Variants in GNAL observed in about 807,000 individuals in gnomAD.
The protein encoded by GNAL is G protein subunit alpha L, also known as guanine nucleotide-binding protein G(olf) subunit alpha.
Under a neutral mutation model 55.1 loss-of-function variants are expected in GNAL, and 18 were observed. That is an observed-to-expected ratio of 0.33 (90% CI 0.23 to 0.48). The LOEUF (loss-of-function observed/expected upper bound fraction) is 0.48, where lower values mean the gene tolerates loss of function less well. GNAL is among the 20% of genes least tolerant of loss of function. The pLI is 0.99. For missense variants in GNAL, 412 were observed against 614.1 expected, an observed-to-expected ratio of 0.67 and a Z score of 3.48; for synonymous variants, 253 against 237.0, an observed-to-expected ratio of 1.07 and a Z score of -0.62.
chr18:11,791,899 C>CACAGGTGTCTCCCCTGGT lies in GNAL; in HGVS notation c.625-33006_625-32989dup, dbSNP rs566032794. Among the ~76,000 whole-genome samples the CACAGGTGTCTCCCCTGGT allele has an allele frequency of 4.4e-3, 671 of 152,298 alleles. 5 individuals are homozygous for CACAGGTGTCTCCCCTGGT. Among genetic ancestry groups the CACAGGTGTCTCCCCTGGT allele is most frequent in the African/African-American group, 0.015 (625 of 41,556 alleles). ...GTGCAGCACTGTCAGCCTCACCTCT[C>CACAGGTGTCTCCCCTGGT]ACAGGTGTCTCCCCTGGTACAGGTG... On this transcript the variant is annotated intron_variant, in intron 4 of 11. Transcript: ENST00000334049.
chr18:11,719,024 A>C (rs963206611), intron 1 of GNAL, among the ~76,000 whole-genome samples: 2 of 152,180 alleles, frequency 1.3e-5, no homozygotes, highest in African/African-American at 4.8e-5. Context: ...TTTGCTGATG[A>C]ATTGGATGTA....
intron 3 of GNAL, 38 bp downstream of exon 3, chr18:11,753,720 C>T: frequency 6.8e-7 from 1 of 1,469,170 alleles, no homozygotes; most frequent in South Asian, 1.1e-5. Flanking sequence ...CTAGAAAGGT[C>T]AAGTGCTCTT....
chr18:11,689,594 C>T lies in GNAL; in HGVS notation c.31C>T (p.Leu11Phe). ...TCTGTGCTACAGTCTGCGGCCGCTGCTTTTCGGGGGCCCAGGGGACGACCC... is the reference window on the plus strand; with the variant it reads ...TCTGTGCTACAGTCTGCGGCCGCTGTTTTTCGGGGGCCCAGGGGACGACCC... The part of the protein sequence containing the change: MGLCYSLRPL[L>F]FGGPGDDPCA... Residue 11 changes from leucine to phenylalanine, a missense_variant, in exon 1 of 12, where the codon CTT (leucine) becomes TTT (phenylalanine). Around this residue, in one of 5 missense-constraint regions of GNAL, gnomAD observed 228 missense variants for 194.8 expected, o/e 1.17. Coordinates refer to ENST00000334049, the MANE Select transcript of GNAL (RefSeq NM_182978.4). 2 of 1,334,882 alleles carry T rather than the reference C, an allele frequency of 1.5e-6. No homozygotes were observed. The highest frequency in any genetic ancestry group is 1.9e-6 in the Non-Finnish European group (2 of 1,052,850). The allele number at this position is 1,334,882 out of a possible 1,614,324, so 82.7% of individuals were successfully genotyped here.
intron 4 of GNAL, among the ~76,000 whole-genome samples, chr18:11,788,914 A>AT (rs1555650656): frequency 4.5e-3 from 251 of 56,268 alleles, no homozygotes; most frequent in South Asian, 8.6e-3. Flanking sequence ...AAAAAAAAAA[A>AT]ATATATATAT....
intron 1 of GNAL, among the ~76,000 whole-genome samples, chr18:11,719,796 G>A (rs1296450925): frequency 1.3e-5 from 2 of 152,198 alleles, no homozygotes; most frequent in East Asian, 1.9e-4. Context: ...GCAGAGCTGC[G>A]CTCACACCAT....
intron 5 of GNAL, chr18:11,857,401 C>G (rs1037557759): frequency 1.3e-6 from 1 of 753,748 alleles, no homozygotes; most frequent in Non-Finnish European, 1.6e-6. Context: ...CCAAAAACTA[C>G]AGGGAGTTTT....
At chr18:11,738,701 G>A (rs1361025348) in intron 1 of GNAL, among the ~76,000 whole-genome samples, 2 of 152,046 alleles carry the variant, frequency 1.3e-5, no homozygotes, top group African/African-American at 2.4e-5. Flanking sequence ...CGCCTGCCTC[G>A]GCCTCCCAGA....
At chr18:11,787,505 G>A (rs778337312) in intron 4 of GNAL, among the ~76,000 whole-genome samples, 6 of 152,186 alleles carry the variant, frequency 3.9e-5, no homozygotes, top group Non-Finnish European at 8.8e-5. Context: ...CATTTCAAGT[G>A]TTGTTTGGCA....
At chr18:11,791,025 G>A (rs952302003) in intron 4 of GNAL, among the ~76,000 whole-genome samples, 1 of 152,072 alleles carries the variant, frequency 6.6e-6, no homozygotes, top group African/African-American at 2.4e-5. Context: ...TACTATTTAG[G>A]ATTTACAGAG....
intron 1 of GNAL, among the ~76,000 whole-genome samples, chr18:11,697,794 G>A (rs1301846049): frequency 6.6e-6 from 1 of 152,182 alleles, no homozygotes. Context: ...GCAGTTGGAG[G>A]GAGAAGAGAA....
chr18:11,788,921 A>ATATATG (rs2034148791), intron 4 of GNAL, among the ~76,000 whole-genome samples: 1 of 126,806 alleles, frequency 7.9e-6, no homozygotes, highest in African/African-American at 3.0e-5. Context: ...AAAAATATAT[A>ATATATG]TATATATATA....
intron 1 of GNAL, among the ~76,000 whole-genome samples, chr18:11,715,612 C>T (rs1053811212): frequency 6.6e-6 from 1 of 152,070 alleles, no homozygotes; most frequent in African/African-American, 2.4e-5. Flanking sequence ...CCAGGTCATT[C>T]TCTGGAGAAG....
intron 4 of GNAL, among the ~76,000 whole-genome samples, chr18:11,797,549 G>A (rs1415372909): frequency 1.3e-5 from 2 of 152,110 alleles, no homozygotes; most frequent in African/African-American, 4.8e-5. Context: ...TTCAAGACAA[G>A]CCTGGGCAAC....
Position 11,883,359 on chromosome 18 carries a change from T to TA in GNAL, c.*2225dup, listed in dbSNP as rs1567912482. ...CTGCACCCCCAGCAAGAAAGGGAAG[T>TA]ATGCTGTTGTATGCATCATTACTCA... On this transcript the variant is annotated 3_prime_UTR_variant, in exon 12 of 12. Coordinates refer to ENST00000334049, the MANE Select transcript of GNAL (RefSeq NM_182978.4). 1 of 153,198 alleles carries TA rather than the reference T, an allele frequency of 6.5e-6. No individual in the cohort carries two copies. Among genetic ancestry groups the TA allele is most frequent in the African/African-American group, 2.4e-5 (1 of 41,446 alleles). 9.5% of individuals were successfully genotyped at this position (153,198 alleles called of 1,614,324 possible).
rs1449016314 is a variant in GNAL at position 11,884,607 on chromosome 18, G to A, written c.*3472G>A. The A allele has an allele frequency of 1.9e-6, 3 of 1,613,744 alleles. No homozygotes were observed. The highest frequency in any genetic ancestry group is 1.7e-4 in the Middle Eastern group (1 of 6,050). On this transcript the variant is annotated 3_prime_UTR_variant, in exon 12 of 12. Transcript: ENST00000334049. ...GGAGGTAGCACTTGGAGAGGGTGTA[G>A]TCTGTGGGCGTGATGCTACCCTGGA...
intron 11 of GNAL, among the ~76,000 whole-genome samples, chr18:11,878,190 G>C (rs1153774): frequency 0.78 from 119,202 of 152,190 alleles, 46,891 homozygotes; most frequent in Middle Eastern, 0.82. Context: ...GTTGCTCATG[G>C]ATGTAATCCC....
chr18:11,773,640 C>T (rs58935072), intron 4 of GNAL, among the ~76,000 whole-genome samples: 24,792 of 151,864 alleles, frequency 0.16, 2,147 homozygotes, highest in East Asian at 0.32. Context: ...AAAAAATAGC[C>T]GGGCATGGTG....
intron 1 of GNAL, among the ~76,000 whole-genome samples, chr18:11,735,002 G>A (rs1598418893): frequency 6.7e-6 from 1 of 148,376 alleles, no homozygotes; most frequent in East Asian, 2.0e-4. Context: ...GAAAACGCCA[G>A]GCCGACGTGA....
chr18:11,879,494 C>A (rs369007425), intron 11 of GNAL, among the ~76,000 whole-genome samples: 14 of 152,140 alleles, frequency 9.2e-5, no homozygotes, highest in Non-Finnish European at 1.9e-4. Context: ...AATCAAGGTG[C>A]GGGGTCTTCC....
Sources: gnomAD v4.1 joint callset for allele counts (sites outside exome capture counted in the v4.1 genomes callset) on GRCh38, gnomAD v4.1.1 for gene constraint, gnomAD v4.1.1 regional missense constraint, MANE v1.5 for transcripts, NCBI Gene and HGNC (gene_info 2026-07-23, HGNC 2026-07-21) for gene names.